The following PDE3A variants were observed in gnomAD, a reference collection of about 807,000 sequenced individuals.
PDE3A encodes phosphodiesterase 3A, also known as cGMP-inhibited 3',5'-cyclic phosphodiesterase 3A.
In PDE3A, 43 loss-of-function variants were observed where a neutral mutation model predicts 98.3. The observed-to-expected ratio is 0.44, with a 90% CI of 0.34 to 0.56. The LOEUF (loss-of-function observed/expected upper bound fraction) is 0.56. Among genes scored for constraint, PDE3A ranks in the 20% least tolerant of loss-of-function variants. The pLI is 0.01. For synonymous variants in PDE3A, 663 were observed against 567.9 expected, an observed-to-expected ratio of 1.17 and a Z score of -2.38; for missense variants, 1,427 against 1,440.7, an observed-to-expected ratio of 0.99 and a Z score of 0.15.
chr12:20,369,222 C>A lies in PDE3A; in HGVS notation c.-63C>A. The A allele has an allele frequency of 8.3e-7, 1 of 1,205,232 alleles. No individual in the cohort carries two copies. Among genetic ancestry groups the A allele is most frequent in the Non-Finnish European group, 1.1e-6 (1 of 883,574 alleles). 74.7% of individuals were successfully genotyped at this position (1,205,232 alleles called of 1,614,324 possible). ...GTGTGTGTGTGTGTGCGCGCGCGCG[C>A]GTGGGTCGGGGCGGGGGCGTCGGGG... is the stretch of plus-strand genomic sequence containing the variant. On this transcript the variant is annotated 5_prime_UTR_variant, in exon 1 of 16. Coordinates refer to ENST00000359062, the MANE Select transcript of PDE3A (RefSeq NM_000921.5).
chr12:20,424,682 C>T (rs1007907990), intron 1 of PDE3A, among the ~76,000 whole-genome samples: 6 of 152,082 alleles, frequency 3.9e-5, no homozygotes, highest in African/African-American at 1.4e-4. Context: ...TATCTACTTA[C>T]CAGAAAATCA....
intron 1 of PDE3A, among the ~76,000 whole-genome samples, chr12:20,435,953 C>T (rs779985538): frequency 4.6e-5 from 7 of 151,956 alleles, no homozygotes; most frequent in Admixed American, 2.0e-4. Flanking sequence ...TTGCATTATA[C>T]GGGCAAGATT....
At chr12:20,640,784 G>A (rs774406265) in intron 10 of PDE3A, among the ~76,000 whole-genome samples, 11 of 152,008 alleles carry the variant, frequency 7.2e-5, no homozygotes, top group Admixed American at 6.6e-4. Context: ...GGTCGAAACA[G>A]GGAAATTGTG....
chr12:20,590,218 T>C (rs757272579), intron 2 of PDE3A, among the ~76,000 whole-genome samples: 62 of 151,978 alleles, frequency 4.1e-4, no homozygotes, highest in Non-Finnish European at 7.9e-4. Flanking sequence ...AGTGTATTCA[T>C]TTCATTCTGA....
intron 1 of PDE3A, among the ~76,000 whole-genome samples, chr12:20,434,096 T>C (rs996632585): frequency 6.6e-6 from 1 of 152,234 alleles, no homozygotes; most frequent in African/African-American, 2.4e-5. Flanking sequence ...GCAACATTGG[T>C]ATTCTTTTAA....
At chr12:20,432,768 G>A (rs1766140446) in intron 1 of PDE3A, among the ~76,000 whole-genome samples, 1 of 152,000 alleles carries the variant, frequency 6.6e-6, no homozygotes, top group Non-Finnish European at 1.5e-5. Context: ...CATTTCAAAA[G>A]CAATATTCAA....
Position 20,685,409 on chromosome 12 carries a change from C to A in PDE3A, c.*5138C>A, listed in dbSNP as rs892400095. Among the ~76,000 whole-genome samples, 1,182 of 73,516 alleles carry A rather than the reference C, an allele frequency of 0.016. No homozygotes were observed. The highest frequency in any genetic ancestry group is 0.021 in the South Asian group (37 of 1,728). 48.2% of individuals were successfully genotyped at this position (73,516 alleles called of 152,430 possible). ...GGGCAACAGGAGTTAAATTTTGCCT[C>A]AAAAAAAAAAAAAAAAAAAAAAAGA... is the stretch of plus-strand genomic sequence containing the variant. On this transcript the variant is annotated 3_prime_UTR_variant, in exon 16 of 16. Coordinates refer to ENST00000359062, the MANE Select transcript of PDE3A (RefSeq NM_000921.5).
chr12:20,449,076 G>C (rs1167447463), intron 1 of PDE3A, among the ~76,000 whole-genome samples: 1 of 152,134 alleles, frequency 6.6e-6, no homozygotes, highest in African/African-American at 2.4e-5. Context: ...CAATGCCGTA[G>C]CTAAAAAAAT....
chr12:20,478,723 A>T (rs1206805926), intron 1 of PDE3A, among the ~76,000 whole-genome samples: 3 of 152,206 alleles, frequency 2.0e-5, no homozygotes. Context: ...TAATCAGGAC[A>T]AGTGTTAATA....
chr12:20,546,134 A>T (rs904086255), intron 1 of PDE3A, among the ~76,000 whole-genome samples: 10 of 151,996 alleles, frequency 6.6e-5, no homozygotes, highest in Admixed American at 2.0e-4. Context: ...TTTAAAAAAA[A>T]TTATGCAGGT....
chr12:20,406,345 C>T (rs991481659), intron 1 of PDE3A, among the ~76,000 whole-genome samples: 2 of 152,142 alleles, frequency 1.3e-5, no homozygotes, highest in Admixed American at 6.5e-5. Flanking sequence ...ATTACATTCC[C>T]ACTAACAGCA....
At chr12:20,579,701 A>G (rs1009929807) in intron 2 of PDE3A, among the ~76,000 whole-genome samples, 7 of 152,190 alleles carry the variant, frequency 4.6e-5, no homozygotes, top group Non-Finnish European at 1.0e-4. Flanking sequence ...GATACTTCAC[A>G]GCAACAGCCC....
intron 1 of PDE3A, among the ~76,000 whole-genome samples, chr12:20,428,578 G>A (rs1222084473): frequency 3.3e-5 from 5 of 152,020 alleles, no homozygotes; most frequent in Admixed American, 6.6e-5. Flanking sequence ...ACCATGCCCG[G>A]CCTAAAATAT....
At chr12:20,558,098 T>C (rs1018373247) in intron 2 of PDE3A, among the ~76,000 whole-genome samples, 4 of 152,064 alleles carry the variant, frequency 2.6e-5, no homozygotes, top group South Asian at 2.1e-4. Context: ...TAGTGTTATA[T>C]ATAGAAAATT....
chr12:20,612,761 T>C (rs1592111291), intron 2 of PDE3A, among the ~76,000 whole-genome samples: 1 of 129,050 alleles, frequency 7.7e-6, no homozygotes, highest in African/African-American at 2.8e-5. Flanking sequence ...TAAGTAAATA[T>C]ATATGGCCTC....
intron 1 of PDE3A, among the ~76,000 whole-genome samples, chr12:20,410,250 C>G (rs1409708100): frequency 6.6e-6 from 1 of 152,198 alleles, no homozygotes; most frequent in Non-Finnish European, 1.5e-5. Context: ...TGGCATGACC[C>G]TGTTGTCTTG....
In PDE3A at chr12:20,613,559, C is replaced by G; in HGVS notation, c.1128C>G (p.Ala376=). 6.2e-7 allele frequency: 1 copy of G among 1,614,152 alleles called. No individual in the cohort carries two copies. Among genetic ancestry groups the G allele is most frequent in the South Asian group, 1.1e-5 (1 of 91,076 alleles). Residue 376 remains alanine, a synonymous_variant, in exon 3 of 16, where the codon GCC becomes GCG. Coordinates refer to ENST00000359062, the MANE Select transcript of PDE3A (RefSeq NM_000921.5). ...CAAACGTGTGCACATCCTTGAGAGC[C>G]GTGAGCAACTTGCTCAGCACACAGC... ...LPPNVCTSLR[A]VSNLLSTQLT... is the part of the protein sequence containing the mutation.
chr12:20,414,652 T>C (rs1446941908), intron 1 of PDE3A, among the ~76,000 whole-genome samples: 4 of 152,192 alleles, frequency 2.6e-5, no homozygotes, highest in Non-Finnish European at 5.9e-5. Context: ...TGAAACACAG[T>C]GCTTGGCCAA....
chr12:20,474,834 A>G (rs1945499864), intron 1 of PDE3A, among the ~76,000 whole-genome samples: 1 of 152,204 alleles, frequency 6.6e-6, no homozygotes, highest in African/African-American at 2.4e-5. Context: ...CCCTATCTCA[A>G]AATCCTTAAT....
Sources: allele counts gnomAD v4.1 joint callset (sites outside exome capture counted in the v4.1 genomes callset), GRCh38; gene constraint gnomAD v4.1.1; transcripts MANE v1.5; gene names NCBI Gene and HGNC (gene_info 2026-07-23, HGNC 2026-07-21).